Variants in KLF13 observed in about 807,000 individuals in gnomAD.
KLF13 encodes KLF transcription factor 13.
In KLF13, 8 loss-of-function variants were observed where a neutral mutation model predicts 16.7. The observed-to-expected ratio is 0.48, with a 90% CI of 0.28 to 0.87. The LOEUF is 0.87. Ranked by LOEUF, KLF13 falls within the 40% of genes least tolerant of loss-of-function variation. KLF13 has a pLI of 0.10. For synonymous variants in KLF13, 245 were observed against 208.4 expected (o/e 1.18, Z -1.51); for missense variants, 447 against 452.2 (o/e 0.99, Z 0.10).
intron 1 of KLF13, among the ~76,000 whole-genome samples, chr15:31,346,865 C>T (rs1007953769): frequency 3.9e-5 from 6 of 152,142 alleles, no homozygotes; most frequent in African/African-American, 1.4e-4. Flanking sequence ...TCTGTGCTGG[C>T]GGCATCAGGG....
intron 1 of KLF13, among the ~76,000 whole-genome samples, chr15:31,336,445 C>T (rs987700611): frequency 3.9e-5 from 6 of 152,150 alleles, no homozygotes; most frequent in African/African-American, 1.4e-4. Context: ...GTTAGCGAGA[C>T]CTGAGAGTCC....
At chr15:31,379,558 A>AG (rs1233678437), downstream of KLF13, among the ~76,000 whole-genome samples, 2 of 152,202 alleles carry the variant, frequency 1.3e-5, no homozygotes, top group Non-Finnish European at 2.9e-5. Flanking sequence ...CCCAGGAATG[A>AG]GGGGTCTCCT....
chr15:31,380,395 C>T (rs555419203), downstream of KLF13, among the ~76,000 whole-genome samples: 87 of 152,354 alleles, frequency 5.7e-4, no homozygotes, highest in Non-Finnish European at 1.1e-3. Flanking sequence ...GGCTGAAACA[C>T]TGCTTGCCAG....
chr15:31,375,771 TG>T lies in KLF13; in HGVS notation c.*3473del, dbSNP rs1743926332. 6.6e-6 allele frequency: 1 copy of T among 152,234 alleles called. No individual in the cohort carries two copies. Among genetic ancestry groups the T allele is most frequent in the Non-Finnish European group, 1.5e-5 (1 of 68,064 alleles). The allele number at this position is 152,234 out of a possible 1,614,324, so 9.4% of individuals were successfully genotyped here. A position where few individuals can be genotyped will look rare whatever the true frequency, so the allele number is the denominator to read the frequency against. ...CTTAAAGAGCCCTGGGGTCCTGTCC[TG>T]CAGGATGCTGCATAGGAATGGGCAG... On this transcript the variant is annotated 3_prime_UTR_variant, in exon 2 of 2. Coordinates refer to ENST00000307145, the MANE Select transcript of KLF13 (RefSeq NM_015995.4).
chr15:31,428,877 G>A (rs1448512438), intron 1 of KLF13, among the ~76,000 whole-genome samples: 3 of 148,548 alleles, frequency 2.0e-5, no homozygotes, highest in African/African-American at 7.5e-5. Flanking sequence ...CATTCTTGAA[G>A]ATATAGTGGA....
At chr15:31,429,275 C>T (rs1464589450) in intron 1 of KLF13, among the ~76,000 whole-genome samples, 4 of 152,132 alleles carry the variant, frequency 2.6e-5, no homozygotes, top group South Asian at 2.1e-4. Context: ...GGAATTCTGA[C>T]ACTTGGTACT....
At chr15:31,416,581 A>T (rs939131258) in intron 1 of KLF13, among the ~76,000 whole-genome samples, 5 of 152,146 alleles carry the variant, frequency 3.3e-5, no homozygotes. Flanking sequence ...AAACTCCAAC[A>T]CCTTTTCTTG....
chr15:31,405,309 G>A (rs770663782), downstream of KLF13, among the ~76,000 whole-genome samples: 7 of 152,102 alleles, frequency 4.6e-5, no homozygotes, highest in African/African-American at 7.2e-5. Context: ...ACGAGACTCC[G>A]TCTCAAAAAA....
At chr15:31,397,098 G>A (rs111933175) in intron 2 of KLF13, among the ~76,000 whole-genome samples, 114 of 152,162 alleles carry the variant, frequency 7.5e-4, no homozygotes, top group African/African-American at 2.5e-3. Flanking sequence ...CTCCAGTCCA[G>A]GTTTTTCGTT....
intron 1 of KLF13, chr15:31,340,096 C>T (rs1251554695): frequency 1.4e-6 from 1 of 697,844 alleles, no homozygotes; most frequent in Non-Finnish European, 2.6e-6. Flanking sequence ...AGGCCTGTTT[C>T]CAGGGTCTCG....
At chr15:31,391,326 C>T (rs1315232349), upstream of KLF13, among the ~76,000 whole-genome samples, 1 of 69,106 alleles carries the variant, frequency 1.4e-5, no homozygotes, top group Non-Finnish European at 2.7e-5. Flanking sequence ...CTGTGGGTGT[C>T]GGGGTTGTGG....
Position 31,327,157 on chromosome 15 carries a change from G to A in KLF13, c.-56G>A, listed in dbSNP as rs1306845223. ...CCCGCTCTCCCGAGGCCGTGGGTGC[G>A]GATGCGCGGCTGACGACTCGCAGCA... On this transcript the variant is annotated 5_prime_UTR_variant, in exon 1 of 2. Coordinates refer to ENST00000307145, the MANE Select transcript of KLF13 (RefSeq NM_015995.4). 11 of 1,250,318 alleles carry A rather than the reference G, an allele frequency of 8.8e-6. No homozygotes were observed. Among genetic ancestry groups the A allele is most frequent in the Non-Finnish European group, 1.1e-5 (11 of 995,224 alleles). 77.5% of individuals were successfully genotyped at this position (1,250,318 alleles called of 1,614,324 possible). A position where few individuals can be genotyped will look rare whatever the true frequency, so the allele number is the denominator to read the frequency against.
At chr15:31,338,253 A>G (rs2038963178) in intron 1 of KLF13, among the ~76,000 whole-genome samples, 1 of 152,200 alleles carries the variant, frequency 6.6e-6, no homozygotes, top group African/African-American at 2.4e-5. Flanking sequence ...ATTCCTTTGC[A>G]CATCTAGCAC....
At chr15:31,429,898 T>A (rs1449653128) in intron 1 of KLF13, among the ~76,000 whole-genome samples, 2 of 152,096 alleles carry the variant, frequency 1.3e-5, no homozygotes, top group Non-Finnish European at 2.9e-5. Flanking sequence ...TATGCCTGGT[T>A]AATTTTTTGT....
chr15:31,392,878 C>G (rs1283748606), exon 1 of KLF13: 1 of 151,286 alleles, frequency 6.6e-6, no homozygotes, highest in Non-Finnish European at 1.5e-5. Flanking sequence ...TGCCGTGAGC[C>G]GGTCCGAAAC....
rs547290792 is a variant in KLF13 at position 31,431,992 on chromosome 15, A to G, written n.118-3378A>G. 2.6e-5 allele frequency among the ~76,000 whole-genome samples: 4 copies of G among 151,902 alleles called. No homozygotes were observed. In the South Asian group the frequency reaches 8.3e-4, roughly 31 times the overall value. On this transcript the variant is annotated intron_variant and non_coding_transcript_variant, in intron 1 of 1. Coordinates refer to the KLF13 transcript ENST00000558225. ...AGGGCACGGGGATGGAGGAGGTGGG[A>G]TACAGATGGATGCAAGTGGTGGCTA...
At chr15:31,349,691 C>T (rs900158617) in intron 1 of KLF13, among the ~76,000 whole-genome samples, 4 of 152,134 alleles carry the variant, frequency 2.6e-5, no homozygotes, top group African/African-American at 4.8e-5. Context: ...CCATGTGAGG[C>T]GAGTATGGGC....
Position 31,424,521 on chromosome 15 carries a change from A to C in KLF13, n.118-10849A>C, listed in dbSNP as rs111520118. 2.1e-3 allele frequency among the ~76,000 whole-genome samples: 324 copies of C among 152,270 alleles called. 2 individuals carry two copies. Among genetic ancestry groups the C allele is most frequent in the Middle Eastern group, 0.02 (6 of 294 alleles). On this transcript the variant is annotated intron_variant and non_coding_transcript_variant, in intron 1 of 1. Coordinates refer to the KLF13 transcript ENST00000558225. Reference sequence around the variant, plus strand: ...AAAAGAAAAAAGAATGAAGGACAAAAACCACATGATCATTTCAATTGATGC... The same window carrying C: ...AAAAGAAAAAAGAATGAAGGACAAACACCACATGATCATTTCAATTGATGC...
At chr15:31,420,379 G>A in intron 1 of KLF13, 1 of 1,144,838 alleles carries the variant, frequency 8.7e-7, no homozygotes, top group Non-Finnish European at 1.3e-6. Flanking sequence ...TCTTGCTAGA[G>A]TTCCCCAGTG....
Sources: gnomAD v4.1 joint callset for allele counts (sites outside exome capture counted in the v4.1 genomes callset) on GRCh38, gnomAD v4.1.1 for gene constraint, MANE v1.5 for transcripts, NCBI Gene and HGNC (gene_info 2026-07-23, HGNC 2026-07-21) for gene names.